ADAM23: variants seen among roughly 807,000 people sequenced by gnomAD.
The protein encoded by ADAM23 is ADAM metallopeptidase domain 23.
ADAM23 carries 33 observed loss-of-function variants against 120.1 expected under a neutral mutation model. That is an observed-to-expected ratio of 0.27 (90% CI 0.21 to 0.37). The LOEUF is 0.37. Ranked by LOEUF, ADAM23 falls within the 10% of genes least tolerant of loss-of-function variation. The pLI is 1.00. For missense variants in ADAM23, 862 were observed against 1,058.2 expected (o/e 0.81, Z 2.57); for synonymous variants, 367 against 375.2 (o/e 0.98, Z 0.25).
intron 14 of ADAM23, among the ~76,000 whole-genome samples, chr2:206,566,191 A>G (rs554189946): frequency 4.6e-3 from 685 of 148,728 alleles, no homozygotes; most frequent in Middle Eastern, 0.021. Context: ...AACATATAAT[A>G]TCTTTAATAT....
chr2:206,525,662 GCTCACTGCAACCTCTGC>G (rs546732356), intron 3 of ADAM23, among the ~76,000 whole-genome samples: 699 of 152,098 alleles, frequency 4.6e-3, no homozygotes, highest in Middle Eastern at 0.02. Flanking sequence ...TGTGATCTCG[GCTCACTGCAACCTCTGC>G]CTCACAGGTT....
intron 5 of ADAM23, among the ~76,000 whole-genome samples, chr2:206,542,599 A>G (rs1050414108): frequency 2.6e-5 from 4 of 152,154 alleles, no homozygotes; most frequent in Admixed American, 2.0e-4. Flanking sequence ...TAACAAAACC[A>G]TGTGTTGGCA....
intron 4 of ADAM23, among the ~76,000 whole-genome samples, chr2:206,533,803 T>C (rs1697121209): frequency 6.6e-6 from 1 of 152,174 alleles, no homozygotes; most frequent in East Asian, 1.9e-4. Flanking sequence ...CTTCTTTCCA[T>C]GTGAAGCAAA....
intron 3 of ADAM23, among the ~76,000 whole-genome samples, chr2:206,484,570 C>T (rs542239320): frequency 1.3e-5 from 2 of 152,190 alleles, no homozygotes; most frequent in Admixed American, 1.3e-4. Context: ...TCTTTGAATA[C>T]TCATGAATAA....
chr2:206,521,439 T>C (rs1387005164), intron 3 of ADAM23, among the ~76,000 whole-genome samples: 2 of 152,140 alleles, frequency 1.3e-5, no homozygotes, highest in Non-Finnish European at 2.9e-5. Context: ...ATGCTTCTTT[T>C]CCTTTAAAAA....
Position 206,621,058 on chromosome 2 carries a change from A to G in ADAM23, c.*3431A>G, listed in dbSNP as rs970815698. On this transcript the variant is annotated 3_prime_UTR_variant, in exon 26 of 26. Coordinates refer to ENST00000264377, the MANE Select transcript of ADAM23 (RefSeq NM_003812.4). ...TTCATTCGTATCTTGTTGGCTGCCT[A>G]TGAATGGAGATTCAGTAGTCATTGT... The G allele has an allele frequency of 6.6e-6, 1 of 152,236 alleles. No individual in the cohort carries two copies. Among genetic ancestry groups the G allele is most frequent in the African/African-American group, 2.4e-5 (1 of 41,466 alleles). 9.4% of individuals were successfully genotyped at this position (152,236 alleles called of 1,614,324 possible). A position where few individuals can be genotyped will look rare whatever the true frequency, so the allele number is the denominator to read the frequency against.
At chr2:206,463,320 G>GGC (rs1695465565) in intron 2 of ADAM23, among the ~76,000 whole-genome samples, 2 of 152,206 alleles carry the variant, frequency 1.3e-5, no homozygotes, top group East Asian at 3.8e-4. Flanking sequence ...AGAGGTTTGA[G>GGC]TGATGCGAGG....
chr2:206,508,233 G>C (rs1271506593), intron 3 of ADAM23, among the ~76,000 whole-genome samples: 1 of 152,096 alleles, frequency 6.6e-6, no homozygotes, highest in African/African-American at 2.4e-5. Flanking sequence ...GTTTCACCGT[G>C]TTAGCCAGGA....
At chr2:206,492,651 GA>G (rs1696158395) in intron 3 of ADAM23, among the ~76,000 whole-genome samples, 1 of 152,114 alleles carries the variant, frequency 6.6e-6, no homozygotes, top group African/African-American at 2.4e-5. Context: ...GAGCCATATG[GA>G]AGGGCCAGGC....
chr2:206,517,679 A>G (rs554307050), intron 3 of ADAM23, among the ~76,000 whole-genome samples: 35 of 152,190 alleles, frequency 2.3e-4, no homozygotes, highest in African/African-American at 8.2e-4. Context: ...TGGAGTGGCC[A>G]CTTCATTTTT....
intron 6 of ADAM23, among the ~76,000 whole-genome samples, chr2:206,545,472 C>T (rs893529834): frequency 3.9e-5 from 6 of 151,952 alleles, no homozygotes; most frequent in African/African-American, 1.2e-4. Flanking sequence ...GGCGACAGAG[C>T]GAGACTCCAT....
intron 3 of ADAM23, among the ~76,000 whole-genome samples, chr2:206,500,993 C>A (rs1283479940): frequency 1.4e-5 from 2 of 142,680 alleles, no homozygotes; most frequent in Admixed American, 7.1e-5. Flanking sequence ...GAGCCACTCA[C>A]TTTTTTTTTT....
In ADAM23 at chr2:206,559,858, C is replaced by T; in HGVS notation, c.1006-97C>T. ...CTAATTATGACCCCGTGTTCTCTCACCTCCCCCTTCCTGTCCTTCCACTGA... is the reference window on the plus strand; with the variant it reads ...CTAATTATGACCCCGTGTTCTCTCATCTCCCCCTTCCTGTCCTTCCACTGA... On this transcript the variant is annotated intron_variant, in intron 10 of 25. Transcript: ENST00000264377. The T allele has an allele frequency of 7.5e-6, 8 of 1,070,326 alleles. No individual in the cohort carries two copies. In the South Asian group the frequency reaches 1.1e-4, roughly 15 times the overall value. 66.3% of individuals were successfully genotyped at this position (1,070,326 alleles called of 1,614,324 possible). A position where few individuals can be genotyped will look rare whatever the true frequency, so the allele number is the denominator to read the frequency against.
intron 2 of ADAM23, among the ~76,000 whole-genome samples, chr2:206,448,716 G>C (rs1695132489): frequency 6.6e-6 from 1 of 152,196 alleles, no homozygotes; most frequent in African/African-American, 2.4e-5. Flanking sequence ...ACACCCAAAA[G>C]ACTGGGTTCT....
chr2:206,547,835 G>A (rs1697431390), intron 7 of ADAM23, among the ~76,000 whole-genome samples: 1 of 152,182 alleles, frequency 6.6e-6, no homozygotes. Flanking sequence ...TCCCTCTCAT[G>A]CTCTGCTCCA....
At chr2:206,599,662 T>C (rs1216203854) in intron 24 of ADAM23, among the ~76,000 whole-genome samples, 1 of 152,246 alleles carries the variant, frequency 6.6e-6, no homozygotes, top group Non-Finnish European at 1.5e-5. Flanking sequence ...TTATTGACTG[T>C]CTACTATTTA....
At chr2:206,557,996 A>G (rs1697680440) in intron 10 of ADAM23, among the ~76,000 whole-genome samples, 1 of 152,198 alleles carries the variant, frequency 6.6e-6, no homozygotes, top group South Asian at 2.1e-4. Context: ...TGATTTCTAG[A>G]TGATGGAAAT....
At chr2:206,587,280 G>A (rs765189947) in intron 18 of ADAM23, 45 bp from the exon 19 acceptor site, 1 of 1,432,812 alleles carries the variant, frequency 7.0e-7, no homozygotes, top group Non-Finnish European at 9.8e-7. Flanking sequence ...TTATCTGAAG[G>A]TACCTAGCAT....
intron 3 of ADAM23, among the ~76,000 whole-genome samples, chr2:206,505,425 T>C (rs903925804): frequency 2.6e-5 from 4 of 152,090 alleles, no homozygotes; most frequent in African/African-American, 9.7e-5. Flanking sequence ...TGAAACTGGG[T>C]AAGGGTTTAT....
Sources: allele counts gnomAD v4.1 joint callset (sites outside exome capture counted in the v4.1 genomes callset), GRCh38; gene constraint gnomAD v4.1.1; transcripts MANE v1.5; gene names NCBI Gene and HGNC (gene_info 2026-07-23, HGNC 2026-07-21).